Variants in SLIT3 observed in about 807,000 individuals in gnomAD.
The protein encoded by SLIT3 is slit homolog 3 protein.
SLIT3 carries 68 observed loss-of-function variants against 184.0 expected under a neutral mutation model. That is an observed-to-expected ratio of 0.37 (90% confidence interval 0.30 to 0.45). The LOEUF is 0.45. Among genes scored for constraint, SLIT3 ranks in the 20% least tolerant of loss-of-function variants. The probability of loss-of-function intolerance (pLI) is 1.00; values close to 1 mark genes in which losing one functional copy is unlikely to be tolerated. For missense variants in SLIT3, 1,707 were observed against 2,026.0 expected (o/e 0.84, Z 3.02); for synonymous variants, 831 against 828.6 (o/e 1.00, Z -0.05).
chr5:168,981,491 C>A (rs1269870246), intron 4 of SLIT3, among the ~76,000 whole-genome samples: 1 of 152,092 alleles, frequency 6.6e-6, no homozygotes, highest in Non-Finnish European at 1.5e-5. Flanking sequence ...GCAGAGCCTC[C>A]CTTATGCCCA....
intron 33 of SLIT3, among the ~76,000 whole-genome samples, chr5:168,672,323 G>T (rs1438579633): frequency 1.3e-5 from 2 of 152,188 alleles, no homozygotes; most frequent in Non-Finnish European, 2.9e-5. Flanking sequence ...GCCCGTGCTA[G>T]TCTCTGCAGG....
intron 4 of SLIT3, among the ~76,000 whole-genome samples, chr5:169,054,730 C>A (rs866925441): frequency 8.5e-5 from 13 of 152,348 alleles, no homozygotes; most frequent in African/African-American, 2.9e-4. Flanking sequence ...CGACGTCTGC[C>A]AGCCTCTCTT....
intron 4 of SLIT3, among the ~76,000 whole-genome samples, chr5:169,107,296 G>C (rs1405896310): frequency 6.6e-6 from 1 of 152,156 alleles, no homozygotes; most frequent in Non-Finnish European, 1.5e-5. Flanking sequence ...TGGGGAGGTG[G>C]ACAGGGTGGA....
intron 5 of SLIT3, among the ~76,000 whole-genome samples, chr5:168,876,848 T>G (rs186705456): frequency 7.1e-4 from 108 of 152,276 alleles, no homozygotes; most frequent in Middle Eastern, 3.4e-3. Context: ...TATTCTTTCC[T>G]ATAGTATATT....
intron 1 of SLIT3, among the ~76,000 whole-genome samples, chr5:169,260,548 C>G (rs984102183): frequency 3.9e-5 from 6 of 152,174 alleles, no homozygotes; most frequent in African/African-American, 1.2e-4. Context: ...GGACACTTTT[C>G]TTCCTATTTC....
intron 4 of SLIT3, among the ~76,000 whole-genome samples, chr5:169,191,737 G>A (rs1167907460): frequency 6.6e-6 from 1 of 152,062 alleles, no homozygotes; most frequent in Admixed American, 6.5e-5. Context: ...TCAGAGACCT[G>A]TTATCACCAC....
chr5:169,177,378 G>GA (rs1353665721), intron 4 of SLIT3, among the ~76,000 whole-genome samples: 1 of 152,208 alleles, frequency 6.6e-6, no homozygotes, highest in African/African-American at 2.4e-5. Flanking sequence ...TCCCATGGAG[G>GA]AATCAAATTA....
intron 23 of SLIT3, among the ~76,000 whole-genome samples, chr5:168,721,384 C>T (rs1022704557): frequency 1.3e-5 from 2 of 152,206 alleles, no homozygotes; most frequent in Non-Finnish European, 2.9e-5. Context: ...TAAGCATTTA[C>T]AGTGCCAGAG....
intron 8 of SLIT3, among the ~76,000 whole-genome samples, chr5:168,807,479 T>C (rs555822617): frequency 6.6e-6 from 1 of 152,230 alleles, no homozygotes; most frequent in Non-Finnish European, 1.5e-5. Context: ...CTTAATCATA[T>C]GGTTAGCTTT....
At chr5:168,850,750 C>A (rs1333800687) in intron 5 of SLIT3, among the ~76,000 whole-genome samples, 3 of 152,192 alleles carry the variant, frequency 2.0e-5, no homozygotes, top group African/African-American at 7.2e-5. Flanking sequence ...TCATATAGAT[C>A]ATAATGCCGT....
chr5:168,749,722 C>T lies in SLIT3; in HGVS notation c.1974-87G>A, dbSNP rs550879145. 26 of 1,445,742 alleles carry T rather than the reference C, an allele frequency of 1.8e-5. No individual in the cohort carries two copies. In the South Asian group the frequency reaches 3.0e-4, roughly 17 times the overall value. The allele number at this position is 1,445,742 out of a possible 1,614,324, so 89.6% of individuals were successfully genotyped here. A position where few individuals can be genotyped will look rare whatever the true frequency, so the allele number is the denominator to read the frequency against. On this transcript the variant is annotated intron_variant, in intron 18 of 35. Transcript: ENST00000519560. ...GCTGCCCAGAGCCCAGCTCTCCTAG[C>T]CAGGAAGGAGGAGGTCTCAGGAAGG...
chr5:168,999,217 T>C (rs931838664), intron 4 of SLIT3, among the ~76,000 whole-genome samples: 2 of 152,084 alleles, frequency 1.3e-5, no homozygotes, highest in Non-Finnish European at 2.9e-5. Flanking sequence ...TAGGAGGTAA[T>C]GAATGAACTT....
At chr5:168,936,755 G>T (rs1762171220) in intron 4 of SLIT3, among the ~76,000 whole-genome samples, 1 of 152,160 alleles carries the variant, frequency 6.6e-6, no homozygotes. Context: ...ATACAGGGTG[G>T]TTGGCGTTCA....
intron 4 of SLIT3, among the ~76,000 whole-genome samples, chr5:169,056,186 G>A (rs1218092827): frequency 6.6e-6 from 1 of 152,152 alleles, no homozygotes; most frequent in Admixed American, 6.5e-5. Context: ...CAGAAGGGAG[G>A]TCTCAGTAGG....
intron 13 of SLIT3, 59 bp downstream of exon 13, chr5:168,774,176 G>A (rs1175230786): frequency 6.6e-7 from 1 of 1,517,350 alleles, no homozygotes; most frequent in South Asian, 1.3e-5. Flanking sequence ...TTTTCATGAT[G>A]GGCATTTGGG....
chr5:168,731,876 C>T (rs1763299323), intron 20 of SLIT3, among the ~76,000 whole-genome samples: 2 of 152,134 alleles, frequency 1.3e-5, no homozygotes, highest in African/African-American at 2.4e-5. Flanking sequence ...AGGATTCCCT[C>T]TAAGAATTGG....
intron 4 of SLIT3, among the ~76,000 whole-genome samples, chr5:168,921,597 T>C (rs1191334212): frequency 1.3e-5 from 2 of 152,202 alleles, no homozygotes; most frequent in Admixed American, 1.3e-4. Flanking sequence ...AGACTAGCCA[T>C]TAGCAAAATT....
At chr5:169,061,440 C>T (rs549257198) in intron 4 of SLIT3, among the ~76,000 whole-genome samples, 8 of 152,192 alleles carry the variant, frequency 5.3e-5, no homozygotes, top group South Asian at 2.1e-4. Context: ...TAACTATGAA[C>T]GCTATTCTTA....
At chr5:168,798,315 C>T (rs1756648450) in intron 9 of SLIT3, among the ~76,000 whole-genome samples, 1 of 150,586 alleles carries the variant, frequency 6.6e-6, no homozygotes, top group African/African-American at 2.4e-5. Context: ...CCTTGAACGC[C>T]TGGGCTCAAG....
Sources: gnomAD v4.1 joint callset for allele counts (sites outside exome capture counted in the v4.1 genomes callset) on GRCh38, gnomAD v4.1.1 for gene constraint, MANE v1.5 for transcripts, NCBI Gene and HGNC (gene_info 2026-07-23, HGNC 2026-07-21) for gene names.